Variants in NOVA1 observed in about 807,000 individuals in gnomAD.
NOVA1 encodes NOVA alternative splicing regulator 1.
Under a neutral mutation model 38.0 loss-of-function variants are expected in NOVA1, and 7 were observed. The ratio of observed to expected loss-of-function variants is 0.18; its 90% CI spans 0.10 to 0.35. The LOEUF (loss-of-function observed/expected upper bound fraction) is 0.35. Ranked by LOEUF, NOVA1 falls within the 10% of genes least tolerant of loss-of-function variation. The pLI is 1.00. For missense variants in NOVA1, 460 were observed against 616.0 expected (o/e 0.75, Z 2.68); for synonymous variants, 270 against 232.5 (o/e 1.16, Z -1.47).
chr14:26,479,353 A>G (rs1331553580), intron 3 of NOVA1: 1 of 152,020 alleles, frequency 6.6e-6, no homozygotes, highest in African/African-American at 2.4e-5. Flanking sequence ...AACTCACATC[A>G]GTTTTTCCCA....
chr14:26,569,513 G>A (rs566625023), intron 2 of NOVA1, among the ~76,000 whole-genome samples: 1 of 152,232 alleles, frequency 6.6e-6, no homozygotes, highest in South Asian at 2.1e-4. Context: ...CAAAAACAAA[G>A]AAGTAGATGT....
chr14:26,535,442 T>C (rs901054168), intron 2 of NOVA1, among the ~76,000 whole-genome samples: 12 of 152,030 alleles, frequency 7.9e-5, no homozygotes, highest in Non-Finnish European at 1.3e-4. Flanking sequence ...TAAAGGACAA[T>C]AGGGCCAGGG....
chr14:26,549,997 A>T (rs1372531550), intron 2 of NOVA1, among the ~76,000 whole-genome samples: 1 of 152,224 alleles, frequency 6.6e-6, no homozygotes, highest in African/African-American at 2.4e-5. Flanking sequence ...ATGGGCTGTC[A>T]TTCATTTAAA....
intron 2 of NOVA1, among the ~76,000 whole-genome samples, chr14:26,496,182 T>C (rs1435626607): frequency 1.5e-4 from 22 of 151,662 alleles, no homozygotes; most frequent in African/African-American, 5.3e-4. Context: ...TTTTAATGAT[T>C]GCCATTCTAA....
At chr14:26,582,583 G>A (rs542669721) in intron 2 of NOVA1, among the ~76,000 whole-genome samples, 6 of 151,486 alleles carry the variant, frequency 4.0e-5, no homozygotes, top group African/African-American at 1.4e-4. Flanking sequence ...AACCATTGCT[G>A]GCAATACTAA....
At chr14:26,528,004 A>G (rs1235116909) in intron 2 of NOVA1, among the ~76,000 whole-genome samples, 2 of 152,152 alleles carry the variant, frequency 1.3e-5, no homozygotes, top group Non-Finnish European at 2.9e-5. Context: ...CACTTAAGAA[A>G]AGCAGTCTGG....
chr14:26,559,436 AGGTTTTTTT>A (rs1891687212), intron 2 of NOVA1, among the ~76,000 whole-genome samples: 1 of 152,194 alleles, frequency 6.6e-6, no homozygotes, highest in Non-Finnish European at 1.5e-5. Context: ...TGATGTAGAC[AGGTTTTTTT>A]ATATGAGATC....
At chr14:26,596,976 G>A (rs1348947726) in intron 1 of NOVA1, 4 of 1,220,172 alleles carry the variant, frequency 3.3e-6, no homozygotes, top group East Asian at 4.4e-5. Context: ...TCCTCCTCCT[G>A]AATGGACCTT....
chr14:26,568,512 G>C (rs1182319231), intron 2 of NOVA1: 1 of 152,090 alleles, frequency 6.6e-6, no homozygotes, highest in South Asian at 2.1e-4. Flanking sequence ...AACCTAACAT[G>C]CTTTTTTATG....
chr14:26,573,592 G>T lies in NOVA1; in HGVS notation c.280+21818C>A, dbSNP rs1892625509. ...ATAAATGATTCCTAAAAAGAATAGA[G>T]AATTCTCATTCTATATATGTAGACA... is the stretch of plus-strand genomic sequence containing the variant. On this transcript the variant is annotated intron_variant, in intron 2 of 4. Transcript: ENST00000539517. Among the ~76,000 whole-genome samples, 3 of 152,070 alleles carry T rather than the reference G, an allele frequency of 2.0e-5. 1 individual carries two copies. Among genetic ancestry groups the T allele is most frequent in the African/African-American group, 7.2e-5 (3 of 41,424 alleles).
At chr14:26,493,380 G>C (rs1289499699) in intron 2 of NOVA1, among the ~76,000 whole-genome samples, 1 of 152,146 alleles carries the variant, frequency 6.6e-6, no homozygotes, top group Non-Finnish European at 1.5e-5. Flanking sequence ...TTTCCATAAT[G>C]TATTTCTGTT....
intron 2 of NOVA1, among the ~76,000 whole-genome samples, chr14:26,505,916 C>A (rs2138428411): frequency 6.6e-6 from 1 of 152,082 alleles, no homozygotes; most frequent in South Asian, 2.1e-4. Context: ...TTTAAACAGC[C>A]TTTAACAAAT....
At chr14:26,553,613 C>G (rs1184927179) in intron 2 of NOVA1, among the ~76,000 whole-genome samples, 2 of 152,040 alleles carry the variant, frequency 1.3e-5, no homozygotes, top group Non-Finnish European at 2.9e-5. Flanking sequence ...ATTGGACTCC[C>G]TCTCTGCAAA....
At chr14:26,508,813 A>C (rs1048041048) in intron 2 of NOVA1, among the ~76,000 whole-genome samples, 1 of 152,064 alleles carries the variant, frequency 6.6e-6, no homozygotes. Flanking sequence ...ATATGATTTT[A>C]AAAAATCTTT....
At chr14:26,551,048 C>A (rs1427660413) in intron 2 of NOVA1, among the ~76,000 whole-genome samples, 3 of 151,904 alleles carry the variant, frequency 2.0e-5, no homozygotes, top group Non-Finnish European at 4.4e-5. Context: ...TCTAGGAATT[C>A]TAGGAAACTG....
chr14:26,457,187 TAGA>T (rs2138591379), intron 4 of NOVA1, among the ~76,000 whole-genome samples: 1 of 151,850 alleles, frequency 6.6e-6, no homozygotes, highest in East Asian at 1.9e-4. Context: ...CCTCCAAAAG[TAGA>T]ACAATTAAAA....
chr14:26,561,330 T>A (rs982049359), intron 2 of NOVA1, among the ~76,000 whole-genome samples: 4 of 152,234 alleles, frequency 2.6e-5, no homozygotes, highest in Admixed American at 2.6e-4. Context: ...TAAAATACAC[T>A]TGGAATTTTT....
At chr14:26,541,668 A>G (rs1231715610) in intron 2 of NOVA1, among the ~76,000 whole-genome samples, 5 of 150,954 alleles carry the variant, frequency 3.3e-5, no homozygotes, top group Admixed American at 1.3e-4. Flanking sequence ...TTCCATCCTA[A>G]GTCGATGTTC....
At chr14:26,536,127 T>C (rs1033950008) in intron 2 of NOVA1, among the ~76,000 whole-genome samples, 6 of 151,966 alleles carry the variant, frequency 3.9e-5, no homozygotes, top group Non-Finnish European at 7.4e-5. Context: ...AAAGACTGCA[T>C]GCTCTCACTT....
Sources: allele counts gnomAD v4.1 joint callset (sites outside exome capture counted in the v4.1 genomes callset), GRCh38; gene constraint gnomAD v4.1.1; transcripts MANE v1.5; gene names NCBI Gene and HGNC (gene_info 2026-07-23, HGNC 2026-07-21).